DLC1: variants seen among roughly 807,000 people sequenced by gnomAD.
The protein encoded by DLC1 is DLC1 Rho GTPase activating protein.
DLC1 carries 54 observed loss-of-function variants against 140.3 expected under a neutral mutation model. The ratio of observed to expected loss-of-function variants is 0.38; its 90% CI spans 0.31 to 0.48. The LOEUF (loss-of-function observed/expected upper bound fraction) is 0.48, where lower values mean the gene tolerates loss of function less well. Ranked by LOEUF, DLC1 falls within the 20% of genes least tolerant of loss-of-function variation. The pLI is 0.96. For synonymous variants in DLC1, 986 were observed against 728.1 expected (o/e 1.35, Z -5.70); for missense variants, 2,536 against 1,907.0 (o/e 1.33, Z -6.14).
chr8:13,588,379 G>A (rs117864852), intron 1 of DLC1, among the ~76,000 whole-genome samples: 82 of 152,136 alleles, frequency 5.4e-4, no homozygotes, highest in Non-Finnish European at 1.0e-3. Context: ...TGAATTTGGT[G>A]TATGACATTT....
intron 1 of DLC1, among the ~76,000 whole-genome samples, chr8:13,535,669 T>TTAAAA (rs1554540006): frequency 4.4e-5 from 5 of 114,702 alleles, no homozygotes; most frequent in Non-Finnish European, 6.7e-5. Flanking sequence ...CATTGCTCAT[T>TTAAAA]AAAAAAAAAA....
At chr8:13,102,888 G>C (rs1470402487) in intron 7 of DLC1, 35 bp from the exon 8 acceptor site, 6 of 1,585,736 alleles carry the variant, frequency 3.8e-6, no homozygotes, top group African/African-American at 1.3e-5. Flanking sequence ...GCAAAGATAG[G>C]CAACCACTCT....
intron 4 of DLC1, among the ~76,000 whole-genome samples, chr8:13,386,867 C>G (rs1281568749): frequency 6.6e-6 from 1 of 151,884 alleles, no homozygotes; most frequent in Admixed American, 6.6e-5. Context: ...ATTTTTCTTT[C>G]TAATAAACAA....
intron 5 of DLC1, among the ~76,000 whole-genome samples, chr8:13,178,988 A>G (rs976630960): frequency 3.3e-5 from 5 of 152,222 alleles, no homozygotes; most frequent in African/African-American, 1.2e-4. Flanking sequence ...TCATTTCAGC[A>G]TTATCTATAA....
At chr8:13,286,093 G>T (rs1019059911) in intron 5 of DLC1, among the ~76,000 whole-genome samples, 3 of 152,112 alleles carry the variant, frequency 2.0e-5, no homozygotes, top group African/African-American at 7.2e-5. Flanking sequence ...CAATCCAATT[G>T]AAAAATCAAT....
At chr8:13,117,528 C>G (rs1820658633) in intron 5 of DLC1, among the ~76,000 whole-genome samples, 1 of 152,008 alleles carries the variant, frequency 6.6e-6, no homozygotes, top group Non-Finnish European at 1.5e-5. Flanking sequence ...GTGCCTGCCC[C>G]CTCCCACAAA....
At chr8:13,276,149 C>T (rs1831154421) in intron 5 of DLC1, 4 of 1,402,680 alleles carry the variant, frequency 2.9e-6, no homozygotes, top group Non-Finnish European at 3.8e-6. Context: ...AATGAAACTT[C>T]AACCAGCTGA....
intron 5 of DLC1, among the ~76,000 whole-genome samples, chr8:13,255,668 T>G (rs781379323): frequency 6.6e-6 from 1 of 152,190 alleles, no homozygotes; most frequent in African/African-American, 2.4e-5. Context: ...CCAGGATTCA[T>G]GCTGTTCCCT....
At chr8:13,453,456 A>ATATG (rs1554523080) in intron 2 of DLC1, among the ~76,000 whole-genome samples, 1 of 35,014 alleles carries the variant, frequency 2.9e-5, no homozygotes, top group Non-Finnish European at 5.1e-5. Context: ...ATACATATAT[A>ATATG]TATGTATATA....
At chr8:13,465,097 G>C (rs984719344) in intron 2 of DLC1, among the ~76,000 whole-genome samples, 3 of 152,056 alleles carry the variant, frequency 2.0e-5, no homozygotes, top group African/African-American at 7.2e-5. Context: ...GTTCATATCT[G>C]TATGATATGC....
intron 5 of DLC1, among the ~76,000 whole-genome samples, chr8:13,172,596 G>A (rs17126427): frequency 6.6e-6 from 1 of 151,988 alleles, no homozygotes; most frequent in Non-Finnish European, 1.5e-5. Flanking sequence ...TAGAGACTTC[G>A]TCAACTCACA....
intron 6 of DLC1, among the ~76,000 whole-genome samples, chr8:13,114,790 C>G (rs1454038062): frequency 2.6e-5 from 4 of 152,138 alleles, no homozygotes; most frequent in Non-Finnish European, 4.4e-5. Flanking sequence ...AAATGGCAGT[C>G]AAAATCTCTA....
At chr8:13,444,007 A>T (rs376366211) in intron 2 of DLC1, among the ~76,000 whole-genome samples, 3 of 152,136 alleles carry the variant, frequency 2.0e-5, no homozygotes, top group African/African-American at 4.8e-5. Context: ...TGATGTAAAT[A>T]AAACAATATC....
intron 3 of DLC1, among the ~76,000 whole-genome samples, chr8:13,399,196 A>C (rs1001275976): frequency 1.3e-5 from 2 of 152,154 alleles, no homozygotes; most frequent in African/African-American, 4.8e-5. Flanking sequence ...AACTTCAAAA[A>C]TATGTCATTA....
intron 5 of DLC1, chr8:13,276,606 C>A: frequency 2.4e-6 from 3 of 1,239,532 alleles, no homozygotes; most frequent in Non-Finnish European, 3.0e-6. Flanking sequence ...GAAAGACTTA[C>A]CCTGCGCCGG....
At chr8:13,504,160 C>G (rs12544269) in intron 1 of DLC1, among the ~76,000 whole-genome samples, 8,257 of 135,920 alleles carry the variant, frequency 0.061, 719 homozygotes, top group East Asian at 0.39. Context: ...GAGTTTCACT[C>G]TTGTTGCCCA....
chr8:13,372,641 C>T (rs1165873938), intron 4 of DLC1, among the ~76,000 whole-genome samples: 3 of 152,090 alleles, frequency 2.0e-5, no homozygotes, highest in African/African-American at 7.2e-5. Context: ...TCTAACTAAG[C>T]GCTAAACTAT....
intron 5 of DLC1, among the ~76,000 whole-genome samples, chr8:13,198,584 C>T (rs1194117499): frequency 2.6e-5 from 4 of 152,098 alleles, no homozygotes; most frequent in African/African-American, 9.7e-5. Context: ...TTTGGGTTGG[C>T]TTTGAGATTT....
intron 5 of DLC1, among the ~76,000 whole-genome samples, chr8:13,233,978 A>G (rs1829169552): frequency 6.6e-6 from 1 of 152,224 alleles, no homozygotes; most frequent in Non-Finnish European, 1.5e-5. Context: ...ACAAGAAGCA[A>G]GTGTTTTCAA....
Sources: allele counts gnomAD v4.1 joint callset (sites outside exome capture counted in the v4.1 genomes callset), GRCh38; gene constraint gnomAD v4.1.1; transcripts MANE v1.5; gene names NCBI Gene and HGNC (gene_info 2026-07-23, HGNC 2026-07-21).